LIMCH1: variants seen among roughly 807,000 people sequenced by gnomAD.
The protein encoded by LIMCH1 is LIM and calponin homology domains-containing protein 1.
LIMCH1 carries 113 observed loss-of-function variants against 176.5 expected under a neutral mutation model. The observed-to-expected ratio is 0.64, with a 90% CI of 0.55 to 0.75. The LOEUF (loss-of-function observed/expected upper bound fraction) is 0.75. Among genes scored for constraint, LIMCH1 ranks in the 30% least tolerant of loss-of-function variants. LIMCH1 has a pLI of 0.00. For synonymous variants in LIMCH1, 619 were observed against 645.9 expected, an observed-to-expected ratio of 0.96 and a Z score of 0.63; for missense variants, 1,674 against 1,814.9, an observed-to-expected ratio of 0.92 and a Z score of 1.41.
At position 41,474,793 on chromosome 4, in the gene LIMCH1, T is replaced by G. The variant is rs183985627; in HGVS notation, c.97-19743T>G. Reference sequence around the variant, plus strand: ...TTCCTCAAACAACTAAAAAATAAAATTATCATATGCTCCAGCATCCCACCA... The same window carrying G: ...TTCCTCAAACAACTAAAAAATAAAAGTATCATATGCTCCAGCATCCCACCA... On this transcript the variant is annotated intron_variant, in intron 1 of 26. Transcript: ENST00000313860. Among the ~76,000 whole-genome samples, 493 of 152,214 alleles carry G rather than the reference T, an allele frequency of 3.2e-3. 1 individual carries two copies. The highest frequency in any genetic ancestry group is 0.012 in the African/African-American group (479 of 41,526).
intron 15 of LIMCH1, 49 bp downstream of exon 15, chr4:41,644,675 GA>G (rs1440079534): frequency 1.3e-6 from 2 of 1,571,854 alleles, no homozygotes; most frequent in South Asian, 1.2e-5. Flanking sequence ...TCTGGCAGCA[GA>G]AAATCCAGCC....
intron 4 of LIMCH1, chr4:41,612,770 A>G (rs1265429785): frequency 5.1e-6 from 4 of 787,068 alleles, no homozygotes; most frequent in Non-Finnish European, 8.0e-6. Context: ...CCCCAGCGCC[A>G]AGAGCTGGCT....
upstream of LIMCH1, chr4:41,360,747 C>T (rs2051854546): frequency 1.3e-5 from 11 of 860,076 alleles, no homozygotes; most frequent in Non-Finnish European, 1.8e-5. This position sits in a 1 kb window ranked among gnomAD's most constrained non-coding sequence, Gnocchi z 4.5. Flanking sequence ...GAGGGGAGGC[C>T]GGCGGGCGGG....
intron 21 of LIMCH1, chr4:41,670,623 C>A: frequency 1.2e-6 from 1 of 841,976 alleles, no homozygotes; most frequent in Non-Finnish European, 1.8e-6. Flanking sequence ...TTGACTAGAG[C>A]CAAACTCCCT....
intron 1 of LIMCH1, among the ~76,000 whole-genome samples, chr4:41,422,372 G>A (rs1320326982): frequency 6.6e-6 from 1 of 152,044 alleles, no homozygotes. Context: ...ATTTTTAGTA[G>A]TGACGAGGTT....
chr4:41,432,270 T>C (rs78929608), intron 1 of LIMCH1, among the ~76,000 whole-genome samples: 4 of 152,236 alleles, frequency 2.6e-5, no homozygotes, highest in African/African-American at 7.2e-5. Flanking sequence ...GGGTGTATTG[T>C]TGACTTTTTG....
At chr4:41,443,756 G>A (rs1047095929) in intron 1 of LIMCH1, among the ~76,000 whole-genome samples, 1 of 152,180 alleles carries the variant, frequency 6.6e-6, no homozygotes, top group Non-Finnish European at 1.5e-5. Context: ...GGAGCAGCTC[G>A]GATGAGAGAG....
chr4:41,549,271 C>T (rs1393071823), intron 1 of LIMCH1, among the ~76,000 whole-genome samples: 3 of 152,164 alleles, frequency 2.0e-5, no homozygotes, highest in Non-Finnish European at 4.4e-5. Flanking sequence ...TTAGTATGTG[C>T]TCACCATGTG....
At chr4:41,496,931 G>T (rs2072253665) in intron 2 of LIMCH1, among the ~76,000 whole-genome samples, 1 of 152,154 alleles carries the variant, frequency 6.6e-6, no homozygotes, top group African/African-American at 2.4e-5. Context: ...AGAGTTTAGT[G>T]GATGCCAGTG....
At chr4:41,477,725 T>C (rs1020319269) in intron 1 of LIMCH1, among the ~76,000 whole-genome samples, 2 of 152,148 alleles carry the variant, frequency 1.3e-5, no homozygotes, top group Non-Finnish European at 2.9e-5. Context: ...AAAAGGACCA[T>C]TGATAGAGGA....
chr4:41,660,442 C>A (rs2094581090), intron 18 of LIMCH1, among the ~76,000 whole-genome samples: 1 of 152,032 alleles, frequency 6.6e-6, no homozygotes, highest in Non-Finnish European at 1.5e-5. Flanking sequence ...CAGTGAGGTT[C>A]AAATCACAGA....
At chr4:41,360,026 GGT>G (rs35179191), upstream of LIMCH1, among the ~76,000 whole-genome samples, 10,895 of 145,640 alleles carry the variant, frequency 0.075, 556 homozygotes, top group African/African-American at 0.14. The surrounding 1 kb of genome is among the most constrained non-coding windows in gnomAD (Gnocchi z 4.5). Flanking sequence ...GGGTGTGTAG[GGT>G]GTGTGTGTGT....
At chr4:41,635,249 T>C (rs1242338824) in intron 13 of LIMCH1, among the ~76,000 whole-genome samples, 1 of 152,044 alleles carries the variant, frequency 6.6e-6, no homozygotes, top group East Asian at 1.9e-4. Context: ...TTTTTTTTTT[T>C]TTGAGATGGA....
Position 41,619,263 on chromosome 4 carries a change from G to A in LIMCH1, c.281G>A (p.Arg94Gln), listed in dbSNP as rs1002346822. ...PDVKKDDMSA[R>Q]RTSHGEPKSA... ...GTGAAGAAGGATGACATGTCTGCAC[G>A]GCGGACTTCCCATGGTGAGCCGAAA... The change falls in exon 6 of 32, where the codon CGG becomes CAG. Residue 94 changes from arginine (R) to glutamine (Q), a missense_variant. Physicochemically the swap from Arg to Gln is conservative, Grantham distance 43. Around this residue, in one of 3 missense-constraint regions of LIMCH1, gnomAD observed 655 missense variants for 692.2 expected, o/e 0.95. Coordinates refer to ENST00000503057, the MANE Select transcript of LIMCH1 (RefSeq NM_001330672.2). The A allele has an allele frequency of 7.4e-6, 12 of 1,614,204 alleles. No homozygotes were observed. The highest frequency in any genetic ancestry group is 2.2e-5 in the South Asian group (2 of 91,084).
intron 1 of LIMCH1, among the ~76,000 whole-genome samples, chr4:41,407,727 T>C (rs1378667569): frequency 6.6e-6 from 1 of 152,198 alleles, no homozygotes; most frequent in African/African-American, 2.4e-5. Flanking sequence ...CACCTGCCCC[T>C]TCCTGCCTGC....
At chr4:41,566,071 A>G (rs1412583874) in intron 1 of LIMCH1, among the ~76,000 whole-genome samples, 1 of 152,220 alleles carries the variant, frequency 6.6e-6, no homozygotes, top group Non-Finnish European at 1.5e-5. Flanking sequence ...AGTCTGTCTC[A>G]TTCATCCCTG....
chr4:41,505,925 G>C (rs867452264), intron 2 of LIMCH1, among the ~76,000 whole-genome samples: 15 of 134,558 alleles, frequency 1.1e-4, no homozygotes, highest in South Asian at 2.4e-4. Flanking sequence ...CTGTGTTTCT[G>C]ACACACACAC....
chr4:41,556,187 G>T (rs1466663878), intron 1 of LIMCH1, among the ~76,000 whole-genome samples: 1 of 151,896 alleles, frequency 6.6e-6, no homozygotes, highest in Non-Finnish European at 1.5e-5. Flanking sequence ...CTGAGGTCAG[G>T]AGTTCAAGAC....
At chr4:41,685,273 TG>T (rs1182374939) in intron 27 of LIMCH1, among the ~76,000 whole-genome samples, 2 of 152,228 alleles carry the variant, frequency 1.3e-5, no homozygotes, top group Non-Finnish European at 2.9e-5. Flanking sequence ...GATTTGTGCG[TG>T]TTCCCAAATG....
Sources: gnomAD v4.1 joint callset for allele counts (sites outside exome capture counted in the v4.1 genomes callset) on GRCh38, gnomAD v4.1.1 for gene constraint, gnomAD v4.1.1 regional missense constraint, Gnocchi (gnomAD v3.1) non-coding constraint, MANE v1.5 for transcripts, NCBI Gene and HGNC (gene_info 2026-07-23, HGNC 2026-07-21) for gene names.